TAFA5: variants seen among roughly 807,000 people sequenced by gnomAD.
TAFA5 encodes the protein TAFA chemokine like family member 5, also known as chemokine-like protein TAFA-5.
TAFA5 carries 6 observed loss-of-function variants against 15.3 expected under a neutral mutation model. The observed-to-expected ratio is 0.39, with a 90% CI of 0.21 to 0.77. TAFA5 has a LOEUF of 0.77. Among genes scored for constraint, TAFA5 ranks in the 30% least tolerant of loss-of-function variants. TAFA5 has a pLI of 0.41. For missense variants in TAFA5, 161 were observed against 193.1 expected (o/e 0.83, Z 0.98); for synonymous variants, 103 against 80.7 (o/e 1.28, Z -1.48).
At chr22:48,709,071 C>G (rs747902014) in intron 3 of TAFA5, among the ~76,000 whole-genome samples, 1 of 152,152 alleles carries the variant, frequency 6.6e-6, no homozygotes, top group Non-Finnish European at 1.5e-5. Flanking sequence ...GCACTCCAAG[C>G]CCCCCATGGG....
At chr22:48,698,453 A>G (rs989378864) in intron 2 of TAFA5, among the ~76,000 whole-genome samples, 27 of 151,844 alleles carry the variant, frequency 1.8e-4, no homozygotes, top group African/African-American at 6.0e-4. Flanking sequence ...GATGGTGATG[A>G]TGATGATGGT....
rs114218429 is a variant in TAFA5 at position 48,558,039 on chromosome 22, C to G, written c.112+68335C>G. On this transcript the variant is annotated intron_variant, in intron 1 of 3. Coordinates refer to ENST00000402357, the MANE Select transcript of TAFA5 (RefSeq NM_001082967.3). Reference sequence around the variant, plus strand: ...CTGAGGGGGGAGTGGTCTTGTTTCCCTCCCCTGTCTCCTTTAGATTCTGCA... The same window carrying G: ...CTGAGGGGGGAGTGGTCTTGTTTCCGTCCCCTGTCTCCTTTAGATTCTGCA... 6.1e-3 allele frequency among the ~76,000 whole-genome samples: 925 copies of G among 152,278 alleles called. 9 individuals are homozygous for G. The highest frequency in any genetic ancestry group is 0.02 in the African/African-American group (843 of 41,556).
chr22:48,535,492 CTG>C (rs1237870981), intron 1 of TAFA5, among the ~76,000 whole-genome samples: 1 of 152,276 alleles, frequency 6.6e-6, no homozygotes, highest in Non-Finnish European at 1.5e-5. Context: ...TGTGAGCACA[CTG>C]CACACGCAAT....
intron 1 of TAFA5, among the ~76,000 whole-genome samples, chr22:48,505,433 C>G (rs1920984750): frequency 6.6e-6 from 1 of 152,190 alleles, no homozygotes; most frequent in Admixed American, 6.5e-5. Context: ...GAAGAAGATA[C>G]AGAGGGTCTC....
At chr22:48,637,145 C>CACCT (rs1454700664) in intron 1 of TAFA5, among the ~76,000 whole-genome samples, 1 of 152,184 alleles carries the variant, frequency 6.6e-6, no homozygotes, top group Non-Finnish European at 1.5e-5. Flanking sequence ...AGGGTACAGA[C>CACCT]ACCTGTATGG....
chr22:48,600,590 G>A (rs1924932531), intron 1 of TAFA5, among the ~76,000 whole-genome samples: 1 of 152,212 alleles, frequency 6.6e-6, no homozygotes, highest in African/African-American at 2.4e-5. Flanking sequence ...ATCTTCGTTG[G>A]CGACACACGT....
chr22:48,587,185 A>G (rs758843574), intron 1 of TAFA5, among the ~76,000 whole-genome samples: 51 of 152,210 alleles, frequency 3.4e-4, no homozygotes, highest in Non-Finnish European at 5.6e-4. Flanking sequence ...ATTTGGGGTG[A>G]CCTTCTGTGT....
At chr22:48,696,151 T>C (rs954296205) in intron 2 of TAFA5, among the ~76,000 whole-genome samples, 3 of 152,178 alleles carry the variant, frequency 2.0e-5, no homozygotes, top group Non-Finnish European at 4.4e-5. Flanking sequence ...TGGCGCAGGC[T>C]GCCCACCCTC....
chr22:48,690,032 G>A (rs1420967157), intron 2 of TAFA5, among the ~76,000 whole-genome samples: 1 of 90,272 alleles, frequency 1.1e-5, no homozygotes, highest in Non-Finnish European at 2.4e-5. Context: ...CACAGCACTG[G>A]GGGAGGTGGG....
chr22:48,605,246 A>G (rs373166821), intron 1 of TAFA5, among the ~76,000 whole-genome samples: 10 of 96,798 alleles, frequency 1.0e-4, no homozygotes, highest in Admixed American at 1.1e-4. Flanking sequence ...GATGGTGATG[A>G]TGGTGATGAG....
chr22:48,627,804 G>C (rs1000910856), intron 1 of TAFA5, among the ~76,000 whole-genome samples: 1 of 152,246 alleles, frequency 6.6e-6, no homozygotes, highest in Non-Finnish European at 1.5e-5. Flanking sequence ...GCCAGGACGA[G>C]GGGGAGGGAG....
intron 3 of TAFA5, among the ~76,000 whole-genome samples, chr22:48,747,317 C>G (rs976681023): frequency 2.0e-5 from 3 of 152,216 alleles, no homozygotes; most frequent in African/African-American, 4.8e-5. Flanking sequence ...CGCTCCAGCC[C>G]TTCTCGTGGA....
chr22:48,499,432 G>A (rs1164400913), intron 1 of TAFA5, among the ~76,000 whole-genome samples: 1 of 152,176 alleles, frequency 6.6e-6, no homozygotes, highest in South Asian at 2.1e-4. Context: ...AGGAAGTTCT[G>A]CTCTGCTGGT....
At chr22:48,708,038 C>T (rs372997391) in intron 3 of TAFA5, among the ~76,000 whole-genome samples, 194 bp downstream of exon 3, 231 of 152,154 alleles carry the variant, frequency 1.5e-3, no homozygotes, top group African/African-American at 5.2e-3. Flanking sequence ...CTGGGGCAGA[C>T]GGTCTGTGAG....
At chr22:48,617,355 C>A (rs1020056517) in intron 1 of TAFA5, among the ~76,000 whole-genome samples, 2 of 152,176 alleles carry the variant, frequency 1.3e-5, no homozygotes, top group Non-Finnish European at 2.9e-5. Flanking sequence ...CCCCAGAGAC[C>A]TTAGAAGAAA....
chr22:48,736,478 TCCTAGGGTCCATC>T (rs1275616636), intron 3 of TAFA5, among the ~76,000 whole-genome samples: 1,060 of 58,292 alleles, frequency 0.018, 429 homozygotes, highest in African/African-American at 0.067. Context: ...AGAACCGCAC[TCCTAGGGTCCATC>T]CCCCCAGGAG....
intron 1 of TAFA5, among the ~76,000 whole-genome samples, chr22:48,634,044 C>T (rs1052515976): frequency 2.6e-5 from 4 of 152,288 alleles, no homozygotes; most frequent in South Asian, 2.1e-4. Context: ...CTCAGCTGCC[C>T]GGTGCACAGA....
chr22:48,710,430 G>C (rs920639984), intron 3 of TAFA5, among the ~76,000 whole-genome samples: 6 of 152,126 alleles, frequency 3.9e-5, no homozygotes, highest in Non-Finnish European at 7.4e-5. Context: ...CTCCCCTGTA[G>C]TTCTTCAGCA....
intron 2 of TAFA5, among the ~76,000 whole-genome samples, chr22:48,654,493 C>T (rs938377306): frequency 2.6e-5 from 4 of 152,218 alleles, no homozygotes; most frequent in African/African-American, 9.6e-5. Flanking sequence ...TCCACAAGGC[C>T]CCCACTCCGT....
Sources: allele counts gnomAD v4.1 joint callset (sites outside exome capture counted in the v4.1 genomes callset), GRCh38; gene constraint gnomAD v4.1.1; transcripts MANE v1.5; gene names NCBI Gene and HGNC (gene_info 2026-07-23, HGNC 2026-07-21).